Variants in CDK5RAP1 observed in about 807,000 individuals in gnomAD.
CDK5RAP1 encodes the protein CDK5RAP1 mitochondrial tRNA methylthiotransferase, also known as mitochondrial tRNA methylthiotransferase CDK5RAP1.
Under a neutral mutation model 64.5 loss-of-function variants are expected in CDK5RAP1, and 62 were observed. The ratio of observed to expected loss-of-function variants is 0.96; its 90% CI spans 0.78 to 1.19. The LOEUF (loss-of-function observed/expected upper bound fraction) is 1.19. Ranked by LOEUF, CDK5RAP1 falls within the 50% of genes most tolerant of loss-of-function variation. CDK5RAP1 has a pLI of 0.00. For synonymous variants in CDK5RAP1, 250 were observed against 261.9 expected (o/e 0.95, Z 0.44); for missense variants, 657 against 735.0 (o/e 0.89, Z 1.23).
intron 12 of CDK5RAP1, among the ~76,000 whole-genome samples, chr20:33,362,577 G>C (rs1355945003): frequency 1.3e-5 from 2 of 152,190 alleles, no homozygotes; most frequent in African/African-American, 4.8e-5. Flanking sequence ...TAGTAAATCA[G>C]TGGGTAAATA....
intron 5 of CDK5RAP1, among the ~76,000 whole-genome samples, chr20:33,389,368 T>C (rs1600788850): frequency 1.4e-5 from 2 of 148,060 alleles, no homozygotes; most frequent in Admixed American, 6.7e-5. Context: ...GTCTGAGAAG[T>C]GAGGAGCCCC....
intron 1 of CDK5RAP1, among the ~76,000 whole-genome samples, chr20:33,397,996 CA>C (rs796892474): frequency 2.1e-5 from 3 of 146,248 alleles, no homozygotes; most frequent in Non-Finnish European, 1.5e-5. Flanking sequence ...CATCTCAAAA[CA>C]AAAAAAAAAG....
chr20:33,380,528 A>G (rs113721355), intron 7 of CDK5RAP1, among the ~76,000 whole-genome samples: 3,147 of 152,280 alleles, frequency 0.021, 105 homozygotes, highest in African/African-American at 0.07. Context: ...TTATGAAGAG[A>G]AAAATTGTTA....
chr20:33,393,551 G>A (rs184939738), intron 4 of CDK5RAP1, among the ~76,000 whole-genome samples: 44 of 152,118 alleles, frequency 2.9e-4, no homozygotes, highest in African/African-American at 9.6e-4. Context: ...CAGTATAGCC[G>A]GATAGGGAAA....
chr20:33,377,743 C>A (rs1305472193), intron 8 of CDK5RAP1, among the ~76,000 whole-genome samples: 1 of 152,154 alleles, frequency 6.6e-6, no homozygotes, highest in African/African-American at 2.4e-5. Context: ...CCTCTGCCTC[C>A]CGGGTTCAAG....
At chr20:33,388,289 T>G (rs6057839) in intron 5 of CDK5RAP1, among the ~76,000 whole-genome samples, 1 of 152,204 alleles carries the variant, frequency 6.6e-6, no homozygotes, top group Non-Finnish European at 1.5e-5. Flanking sequence ...ATCTTCCATA[T>G]CCTTAAAAAA....
At chr20:33,372,198 G>A (rs1985145796) in intron 10 of CDK5RAP1, among the ~76,000 whole-genome samples, 1 of 150,750 alleles carries the variant, frequency 6.6e-6, no homozygotes, top group South Asian at 2.1e-4. Flanking sequence ...TGTAAAATCG[G>A]CCTCAAAAAG....
At chr20:33,388,836 G>A (rs1218142360) in intron 5 of CDK5RAP1, among the ~76,000 whole-genome samples, 7 of 152,020 alleles carry the variant, frequency 4.6e-5, no homozygotes, top group African/African-American at 1.2e-4. Flanking sequence ...TGTGTTGGCC[G>A]GGCTGGTCTC....
intron 7 of CDK5RAP1, among the ~76,000 whole-genome samples, chr20:33,384,057 T>C (rs550765854): frequency 6.6e-6 from 1 of 152,280 alleles, no homozygotes; most frequent in Admixed American, 6.5e-5. Context: ...TAAAAGTTGC[T>C]TATTTAGAAG....
chr20:33,389,809 T>G (rs1988087694), intron 5 of CDK5RAP1, among the ~76,000 whole-genome samples: 3 of 152,176 alleles, frequency 2.0e-5, no homozygotes, highest in African/African-American at 7.2e-5. Context: ...ATTGTTGCTG[T>G]GTCTGTGTAG....
In CDK5RAP1 at chr20:33,395,294, T is replaced by C. The variant is rs17124679; in HGVS notation, c.305-178A>G. Among the ~76,000 whole-genome samples the C allele has an allele frequency of 7.6e-3, 1,160 of 152,254 alleles. 10 individuals are homozygous for C. The highest frequency in any genetic ancestry group is 0.026 in the African/African-American group (1,097 of 41,528). On this transcript the variant is annotated intron_variant, in intron 2 of 13. Coordinates refer to ENST00000346416, the MANE Select transcript of CDK5RAP1 (RefSeq NM_016408.4). ...GCCAGATGTACCCCCAAGTTAATGA[T>C]AGACCTTCAGAACAAAAGAAATACC...
chr20:33,396,784 T>G lies in CDK5RAP1; in HGVS notation c.281A>C (p.Glu94Ala). 6.2e-7 allele frequency: 1 copy of G among 1,613,494 alleles called. No homozygotes were observed. The highest frequency in any genetic ancestry group is 2.2e-5 in the East Asian group (1 of 44,878). Residue 94 changes from glutamate to alanine, a missense_variant, in exon 2 of 14, where the codon GAA (glutamate) becomes GCA (alanine). Glu to Ala is a moderately radical substitution (Grantham distance 107). Coordinates refer to ENST00000346416, the MANE Select transcript of CDK5RAP1 (RefSeq NM_016408.4). ...EDPPPYLMMD[E>A]LLGRQRKVYL... ...ACCTTTTCTCTGCCTTCCAAGAAGT[T>G]CATCCATCATGAGATAGGGAGGTGG...
At chr20:33,394,141 C>T (rs1391130189) in intron 3 of CDK5RAP1, 75 bp from the exon 4 acceptor site, 3 of 984,502 alleles carry the variant, frequency 3.0e-6, no homozygotes, top group East Asian at 2.4e-5. Flanking sequence ...TCCTGCCCTA[C>T]AGCTCTTTAT....
chr20:33,397,984 T>TC (rs1989056819), intron 1 of CDK5RAP1, among the ~76,000 whole-genome samples: 1 of 151,366 alleles, frequency 6.6e-6, no homozygotes, highest in African/African-American at 2.4e-5. Flanking sequence ...AGAGCGAAAC[T>TC]CCATCTCAAA....
Position 33,366,980 on chromosome 20 carries a change from T to C in CDK5RAP1, c.1421A>G (p.Asp474Gly), listed in dbSNP as rs766606937. ...TAATTTTACCTCTTCCGGGACATCA[T>C]CCTTCAGCCTATGATATGCCCGTGT... is the stretch of plus-strand genomic sequence containing the variant. Reference protein sequence around the residue: ...QKTRAYHRLKDDVPEEVKLRR... With the variant: ...QKTRAYHRLKGDVPEEVKLRR... Residue 474 changes from aspartate to glycine, a missense_variant, in exon 12 of 14, where the codon GAT becomes GGT. Coordinates refer to ENST00000346416, the MANE Select transcript of CDK5RAP1 (RefSeq NM_016408.4). The C allele has an allele frequency of 5.0e-6, 8 of 1,611,504 alleles. No homozygotes were observed. The highest frequency in any genetic ancestry group is 1.7e-4 in the Middle Eastern group (1 of 6,056).
At chr20:33,397,560 C>T (rs930661260) in intron 1 of CDK5RAP1, among the ~76,000 whole-genome samples, 6 of 152,242 alleles carry the variant, frequency 3.9e-5, no homozygotes, top group African/African-American at 9.6e-5. Context: ...AAGCCCGTGC[C>T]ACTACCCATC....
intron 11 of CDK5RAP1, among the ~76,000 whole-genome samples, chr20:33,367,521 G>A (rs183516644): frequency 1.9e-3 from 284 of 152,252 alleles, no homozygotes; most frequent in Non-Finnish European, 3.3e-3. Flanking sequence ...ATCAACACAT[G>A]TAACTTTAGT....
intron 6 of CDK5RAP1, among the ~76,000 whole-genome samples, chr20:33,386,526 A>C (rs558163746): frequency 1.3e-5 from 2 of 152,200 alleles, no homozygotes; most frequent in South Asian, 4.1e-4. Context: ...CCTGGATTTA[A>C]AACACAGAAT....
chr20:33,359,240 C>T, intron 13 of CDK5RAP1, 117 bp from the exon 14 acceptor site: 2 of 718,556 alleles, frequency 2.8e-6, no homozygotes, highest in Non-Finnish European at 4.8e-6. Flanking sequence ...GACCGGCTGG[C>T]AGAGACCACA....
Sources: allele counts gnomAD v4.1 joint callset (sites outside exome capture counted in the v4.1 genomes callset), GRCh38; gene constraint gnomAD v4.1.1; transcripts MANE v1.5; gene names NCBI Gene and HGNC (gene_info 2026-07-23, HGNC 2026-07-21).